TIAM1: variants seen among roughly 807,000 people sequenced by gnomAD.
TIAM1 encodes rho guanine nucleotide exchange factor TIAM1.
TIAM1 carries 65 observed loss-of-function variants against 163.5 expected under a neutral mutation model. The ratio of observed to expected loss-of-function variants is 0.40; its 90% CI spans 0.33 to 0.49. TIAM1 has a LOEUF of 0.49. Ranked by LOEUF, TIAM1 falls within the 20% of genes least tolerant of loss-of-function variation. TIAM1 has a pLI of 0.77. For synonymous variants in TIAM1, 833 were observed against 810.1 expected (o/e 1.03, Z -0.48); for missense variants, 1,789 against 2,044.7 (o/e 0.87, Z 2.41).
chr21:31,298,979 G>A (rs184966912), intron 2 of TIAM1, among the ~76,000 whole-genome samples: 3 of 152,212 alleles, frequency 2.0e-5, no homozygotes, highest in South Asian at 2.1e-4. Flanking sequence ...GGAGGGAGGC[G>A]TAGGGCGAAC....
chr21:31,243,926 A>G (rs142522462), intron 6 of TIAM1, among the ~76,000 whole-genome samples: 1 of 152,302 alleles, frequency 6.6e-6, no homozygotes, highest in East Asian at 1.9e-4. Context: ...AGATAAATAA[A>G]AGTGTCCTGG....
intron 2 of TIAM1, among the ~76,000 whole-genome samples, chr21:31,388,102 C>T (rs567318436): frequency 3.5e-4 from 52 of 148,074 alleles, no homozygotes; most frequent in Non-Finnish European, 6.1e-4. Flanking sequence ...GCCTAGCAGA[C>T]GCCGCAAAAA....
intron 2 of TIAM1, among the ~76,000 whole-genome samples, chr21:31,460,616 ACT>A (rs905913211): frequency 2.0e-5 from 3 of 152,086 alleles, no homozygotes; most frequent in Admixed American, 2.0e-4. Flanking sequence ...ACAGAGCGAG[ACT>A]CTGTCTCAAA....
At chr21:31,316,675 C>G (rs1436160212) in intron 2 of TIAM1, among the ~76,000 whole-genome samples, 1 of 152,214 alleles carries the variant, frequency 6.6e-6, no homozygotes, top group African/African-American at 2.4e-5. Flanking sequence ...TTCGCAACTA[C>G]AGCAAACTTC....
intron 8 of TIAM1, among the ~76,000 whole-genome samples, chr21:31,219,580 G>A (rs960204470): frequency 1.1e-4 from 16 of 152,302 alleles, no homozygotes; most frequent in African/African-American, 3.4e-4. Context: ...GAAGCCCCAC[G>A]GGTGGCAGGG....
chr21:31,366,214 AG>A (rs1209015224), intron 2 of TIAM1, among the ~76,000 whole-genome samples: 3 of 152,102 alleles, frequency 2.0e-5, no homozygotes, highest in African/African-American at 7.2e-5. Context: ...CAGAGGTCAT[AG>A]GAAGTAAACC....
chr21:31,404,108 G>A (rs1193498685), intron 2 of TIAM1, among the ~76,000 whole-genome samples: 2 of 152,040 alleles, frequency 1.3e-5, no homozygotes, highest in African/African-American at 2.4e-5. Context: ...CTGATTAATC[G>A]AAATCCCACC....
chr21:31,237,119 C>T (rs928068829), intron 6 of TIAM1, among the ~76,000 whole-genome samples: 10 of 152,186 alleles, frequency 6.6e-5, no homozygotes, highest in African/African-American at 2.4e-4. Flanking sequence ...GCTGGGAGAT[C>T]TCCAGGAATG....
intron 2 of TIAM1, among the ~76,000 whole-genome samples, chr21:31,458,420 CAA>C: frequency 7.1e-6 from 1 of 140,962 alleles, no homozygotes; most frequent in South Asian, 2.3e-4. Flanking sequence ...AACTCCATCT[CAA>C]AAAAAAAAGA....
intron 2 of TIAM1, among the ~76,000 whole-genome samples, chr21:31,281,172 G>C (rs1008211825): frequency 1.3e-5 from 2 of 151,340 alleles, no homozygotes; most frequent in Non-Finnish European, 2.9e-5. Context: ...CAAGTTCCAG[G>C]CATCAGTGTG....
At chr21:31,399,034 T>G (rs998993206) in intron 2 of TIAM1, among the ~76,000 whole-genome samples, 3 of 151,720 alleles carry the variant, frequency 2.0e-5, no homozygotes, top group African/African-American at 7.3e-5. Flanking sequence ...AATAAATAGA[T>G]AAATAAAATA....
In TIAM1 at chr21:31,342,525, CT is replaced by C. The variant is rs1276069621; in HGVS notation, c.-369+1612del. On this transcript the variant is annotated intron_variant, in intron 1 of 27. Coordinates refer to ENST00000541036, the MANE Select transcript of TIAM1 (RefSeq NM_001353694.2). ...TTGCTCTATGAACAATGCAGTTCCC[CT>C]TTTTGTAGCTAAGAATTATTGTTCC... Among the ~76,000 whole-genome samples, 3 of 152,314 alleles carry C rather than the reference CT, an allele frequency of 2.0e-5. No homozygotes were observed. In the East Asian group the frequency reaches 5.8e-4, roughly 29 times the overall value.
rs1286963399 is a variant in TIAM1 at position 31,395,885 on chromosome 21, A to C, written c.-368-56463T>G. ...GTAGGGAGGGCCTGAACAGAAAGAAAACAAGGAGCGAAAACAAAATAAGGC... is the reference window on the plus strand; with the variant it reads ...GTAGGGAGGGCCTGAACAGAAAGAACACAAGGAGCGAAAACAAAATAAGGC... On this transcript the variant is annotated intron_variant, in intron 2 of 28. Coordinates refer to the TIAM1 transcript ENST00000286827. The surrounding 1 kb of genome is among the most constrained non-coding windows in gnomAD (Gnocchi z 7.5). Among the ~76,000 whole-genome samples, 2 of 152,176 alleles carry C rather than the reference A, an allele frequency of 1.3e-5. No individual in the cohort carries two copies. The highest frequency in any genetic ancestry group is 2.9e-5 in the Non-Finnish European group (2 of 68,036).
chr21:31,163,176 G>A (rs1179659855), intron 16 of TIAM1, among the ~76,000 whole-genome samples: 1 of 152,156 alleles, frequency 6.6e-6, no homozygotes, highest in East Asian at 1.9e-4. Context: ...TTTAGATACA[G>A]GAAAAATAGC....
intron 13 of TIAM1, among the ~76,000 whole-genome samples, chr21:31,193,140 A>G (rs2085650246): frequency 6.6e-6 from 1 of 152,220 alleles, no homozygotes; most frequent in Non-Finnish European, 1.5e-5. Flanking sequence ...GGAAAGGAAT[A>G]TATATTTAAC....
intron 1 of TIAM1, among the ~76,000 whole-genome samples, chr21:31,511,467 C>T (rs999064823): frequency 6.6e-6 from 1 of 152,156 alleles, no homozygotes; most frequent in Non-Finnish European, 1.5e-5. Context: ...TTGGCCAAGA[C>T]ACACCCCCAG....
intron 2 of TIAM1, among the ~76,000 whole-genome samples, chr21:31,304,854 G>A (rs1443867861): frequency 5.3e-5 from 8 of 152,034 alleles, no homozygotes. Flanking sequence ...CACCATGCCC[G>A]GCTAGTTTTT....
chr21:31,456,136 G>A lies in TIAM1; in HGVS notation c.-369+7847C>T, dbSNP rs768968424. On this transcript the variant is annotated intron_variant, in intron 2 of 28. Transcript: ENST00000286827. ...CAAGTGGTTCCAGAAGGGGGTTGTT[G>A]GAAAAGAAATCTCTTTTGCATTATA... is the stretch of plus-strand genomic sequence containing the variant. 1.4e-4 allele frequency among the ~76,000 whole-genome samples: 21 copies of A among 152,238 alleles called. 1 individual carries two copies. Among genetic ancestry groups the A allele is most frequent in the Middle Eastern group, 6.8e-3 (2 of 294 alleles).
rs545916932 is a variant in TIAM1, at chr21:31,274,124, A to C, written c.-12+2608T>G. Among the ~76,000 whole-genome samples, 88 of 152,216 alleles carry C rather than the reference A, an allele frequency of 5.8e-4. 1 individual carries two copies. The East Asian group carries it at 0.016, about 28-fold the overall frequency. ...GCTCTACTTGGGAGGCTGGGGCAGG[A>C]GAATCACTTGAACCCAGGAGGCAGA... On this transcript the variant is annotated intron_variant, in intron 3 of 27. Coordinates refer to ENST00000541036, the MANE Select transcript of TIAM1 (RefSeq NM_001353694.2).
Sources: allele counts gnomAD v4.1 joint callset (sites outside exome capture counted in the v4.1 genomes callset), GRCh38; gene constraint gnomAD v4.1.1; non-coding constraint Gnocchi (gnomAD v3.1); transcripts MANE v1.5; gene names NCBI Gene and HGNC (gene_info 2026-07-23, HGNC 2026-07-21).